SGCZ: variants seen among roughly 807,000 people sequenced by gnomAD.
SGCZ encodes the protein zeta-sarcoglycan.
In SGCZ, 40 loss-of-function variants were observed where a neutral mutation model predicts 41.3. The observed-to-expected ratio is 0.97, with a 90% CI of 0.75 to 1.26. The LOEUF (loss-of-function observed/expected upper bound fraction) is 1.26. Ranked by LOEUF, SGCZ falls within the 50% of genes most tolerant of loss-of-function variation. The pLI is 0.00. For missense variants in SGCZ, 552 were observed against 369.8 expected (o/e 1.49, Z -4.04); for synonymous variants, 206 against 137.5 (o/e 1.50, Z -3.49).
chr8:15,113,207 C>CAAAA (rs59453647), intron 1 of SGCZ, among the ~76,000 whole-genome samples: 15 of 128,186 alleles, frequency 1.2e-4, no homozygotes, highest in Admixed American at 3.9e-4. Flanking sequence ...AGACCTGGCT[C>CAAAA]AAAAAAAAAA....
chr8:14,518,894 C>CAAA (rs370947291), intron 2 of SGCZ, among the ~76,000 whole-genome samples: 6,468 of 128,084 alleles, frequency 0.05, 435 homozygotes, highest in African/African-American at 0.13. Context: ...CCATCTCTAC[C>CAAA]AAAAAAAAAA....
intron 1 of SGCZ, among the ~76,000 whole-genome samples, chr8:14,574,867 T>C (rs1225147030): frequency 6.6e-6 from 1 of 152,176 alleles, no homozygotes; most frequent in East Asian, 1.9e-4. Context: ...ACAGTGAATT[T>C]GGAGAAAACT....
intron 1 of SGCZ, among the ~76,000 whole-genome samples, chr8:15,153,459 T>C (rs1422179199): frequency 1.3e-5 from 2 of 152,198 alleles, no homozygotes; most frequent in African/African-American, 2.4e-5. Flanking sequence ...ACAGAGTCTG[T>C]ATTAGTCAGT....
intron 1 of SGCZ, among the ~76,000 whole-genome samples, chr8:14,625,170 C>T (rs994532913): frequency 5.1e-4 from 78 of 152,076 alleles, no homozygotes; most frequent in Non-Finnish European, 5.1e-4. Context: ...GTTCAGTGTT[C>T]CATAACTTAA....
intron 2 of SGCZ, among the ~76,000 whole-genome samples, chr8:14,395,339 A>G (rs1414933254): frequency 6.6e-6 from 1 of 152,214 alleles, no homozygotes; most frequent in African/African-American, 2.4e-5. Flanking sequence ...AACAGAATAG[A>G]ATTCAGTGTT....
intron 1 of SGCZ, among the ~76,000 whole-genome samples, chr8:14,765,687 C>T (rs1800014907): frequency 1.3e-5 from 2 of 152,126 alleles, no homozygotes; most frequent in Non-Finnish European, 2.9e-5. Flanking sequence ...TAAATAGCTT[C>T]AGTAAACAAG....
intron 1 of SGCZ, among the ~76,000 whole-genome samples, chr8:14,936,591 A>T (rs1302949572): frequency 1.3e-5 from 2 of 151,906 alleles, no homozygotes; most frequent in Admixed American, 1.3e-4. Context: ...TAAGTCAGGG[A>T]CCATTTATAT....
Position 14,453,991 on chromosome 8 carries a change from CAA to C in SGCZ, c.234+100739_234+100740del, listed in dbSNP as rs141086979. On this transcript the variant is annotated intron_variant, in intron 2 of 7. Coordinates refer to ENST00000382080, the MANE Select transcript of SGCZ (RefSeq NM_139167.4). ...TATTTACACATTAATGACAGTGACA[CAA>C]AAAAAAAATAATTGTTTTTAATGAA... 3.7e-4 allele frequency among the ~76,000 whole-genome samples: 56 copies of C among 149,376 alleles called. 1 individual carries two copies. Among genetic ancestry groups the C allele is most frequent in the African/African-American group, 1.2e-3 (50 of 40,760 alleles).
chr8:14,892,388 A>G (rs1474626285), intron 1 of SGCZ, among the ~76,000 whole-genome samples: 1 of 152,176 alleles, frequency 6.6e-6, no homozygotes, highest in Non-Finnish European at 1.5e-5. Flanking sequence ...AATAAAAGCT[A>G]TCTATTCTGT....
chr8:14,102,404 T>G lies in SGCZ; in HGVS notation c.716A>C (p.Glu239Ala), dbSNP rs1473065224. ...AGDFKATCRK[E>A]LHLQSTEGEI... is the part of the protein sequence containing the mutation. ...CCCTTCTGTAGATTGCAGATGGAGC[T>G]CCTTCCTGCAGGTGGCCTTGAAGTC... Residue 239 changes from glutamate (E) to alanine (A), a missense_variant, in exon 7 of 8, where the codon GAG becomes GCG. Glu to Ala is a moderately radical substitution (Grantham distance 107). Coordinates refer to ENST00000382080, the MANE Select transcript of SGCZ (RefSeq NM_139167.4). The G allele has an allele frequency of 6.6e-7, 1 of 1,522,828 alleles. No homozygotes were observed. The highest frequency in any genetic ancestry group is 2.4e-5 in the East Asian group (1 of 41,718). 94.3% of individuals were successfully genotyped at this position (1,522,828 alleles called of 1,614,324 possible).
intron 1 of SGCZ, among the ~76,000 whole-genome samples, chr8:14,965,034 C>G (rs1801087465): frequency 6.6e-6 from 1 of 152,088 alleles, no homozygotes; most frequent in Non-Finnish European, 1.5e-5. Flanking sequence ...TTGTGTCCCC[C>G]ATTCCCGAGG....
chr8:14,418,121 C>G (rs540103643), intron 2 of SGCZ, among the ~76,000 whole-genome samples: 1 of 151,916 alleles, frequency 6.6e-6, no homozygotes, highest in Non-Finnish European at 1.5e-5. Flanking sequence ...CCTGCCTTCA[C>G]TGGGCTTTCA....
chr8:15,230,337 T>G (rs1252045326), intron 1 of SGCZ, among the ~76,000 whole-genome samples: 1 of 152,138 alleles, frequency 6.6e-6, no homozygotes, highest in Non-Finnish European at 1.5e-5. Context: ...CTTTAAGATT[T>G]CCCTGGAATT....
intron 2 of SGCZ, among the ~76,000 whole-genome samples, chr8:14,510,614 T>G (rs1035987502): frequency 1.3e-5 from 2 of 152,044 alleles, no homozygotes; most frequent in African/African-American, 4.8e-5. Flanking sequence ...ATTTTGTGAG[T>G]AAAATACATT....
intron 1 of SGCZ, among the ~76,000 whole-genome samples, chr8:15,187,455 A>T (rs917887214): frequency 6.6e-6 from 1 of 152,104 alleles, no homozygotes; most frequent in Non-Finnish European, 1.5e-5. Context: ...CTCCAGACAA[A>T]TGGTTATAAT....
intron 1 of SGCZ, among the ~76,000 whole-genome samples, chr8:14,967,459 T>C (rs558607955): frequency 6.6e-6 from 1 of 152,306 alleles, no homozygotes; most frequent in East Asian, 1.9e-4. Flanking sequence ...TCTTCAATTA[T>C]GACTTCGGTC....
intron 1 of SGCZ, among the ~76,000 whole-genome samples, chr8:14,651,201 A>G (rs2117455692): frequency 6.6e-6 from 1 of 152,220 alleles, no homozygotes; most frequent in South Asian, 2.1e-4. Flanking sequence ...CAAAATATCA[A>G]TCAGATATGA....
At chr8:14,769,529 C>A (rs973400378) in intron 1 of SGCZ, among the ~76,000 whole-genome samples, 11 of 152,086 alleles carry the variant, frequency 7.2e-5, no homozygotes, top group Admixed American at 7.2e-4. Flanking sequence ...CGATGGCTCA[C>A]GCCTGTAATC....
intron 1 of SGCZ, among the ~76,000 whole-genome samples, chr8:14,929,163 T>C (rs887198806): frequency 1.3e-5 from 2 of 152,060 alleles, no homozygotes; most frequent in South Asian, 2.1e-4. Flanking sequence ...AGCTAATTTT[T>C]GTAGTTTTTA....
Sources: allele counts gnomAD v4.1 joint callset (sites outside exome capture counted in the v4.1 genomes callset), GRCh38; gene constraint gnomAD v4.1.1; transcripts MANE v1.5; gene names NCBI Gene and HGNC (gene_info 2026-07-23, HGNC 2026-07-21).